ARL2BP: variants seen among roughly 807,000 people sequenced by gnomAD.
ARL2BP encodes ARF like GTPase 2 binding protein.
In ARL2BP, 19 loss-of-function variants were observed where a neutral mutation model predicts 24.2. That is an observed-to-expected ratio of 0.79 (90% CI 0.55 to 1.15). ARL2BP has a LOEUF of 1.15. Ranked by LOEUF, ARL2BP falls within the 50% of genes most tolerant of loss-of-function variation. The probability of loss-of-function intolerance (pLI) is 0.00; values close to 1 mark genes in which losing one functional copy is unlikely to be tolerated. For synonymous variants in ARL2BP, 56 were observed against 70.5 expected, an observed-to-expected ratio of 0.79 and a Z score of 1.03; for missense variants, 160 against 190.4, an observed-to-expected ratio of 0.84 and a Z score of 0.94.
intron 1 of ARL2BP, 59 bp downstream of exon 1, chr16:57,245,464 C>G (rs564949718): frequency 1.9e-6 from 3 of 1,578,804 alleles, no homozygotes; most frequent in Non-Finnish European, 8.6e-7. Flanking sequence ...GCGTTCGCCC[C>G]GGGGCCTGAC....
rs763416650 is a variant in ARL2BP, at chr16:57,248,531, G to A, written c.101-6G>A. The A allele has an allele frequency of 2.5e-6, 4 of 1,571,476 alleles. No homozygotes were observed. The highest frequency in any genetic ancestry group is 3.5e-6 in the Non-Finnish European group (4 of 1,154,252). On this transcript the variant is annotated splice_polypyrimidine_tract_variant and splice_region_variant and intron_variant, in intron 2 of 5. Coordinates refer to ENST00000219204, the MANE Select transcript of ARL2BP (RefSeq NM_012106.4). ...AAAAGAATAAATTTTCCCCACTGTG[G>A]TTCAGATGACGAGTTCCAGTTATTA...
At chr16:57,248,383 G>A in intron 2 of ARL2BP, 154 bp from the exon 3 acceptor site, 1 of 407,460 alleles carries the variant, frequency 2.5e-6, no homozygotes, top group Non-Finnish European at 4.5e-6. Flanking sequence ...TTCCACATCA[G>A]GGTCCCATTT....
rs2075387240 is a variant in ARL2BP, at chr16:57,245,494, T to C, written c.38+89T>C. Reference sequence around the variant, plus strand: ...CCTGACCCTATAAAACAGGTGTCCTTAGGGGCCGGGCCGGGCCGGGCCGGG... The same window carrying C: ...CCTGACCCTATAAAACAGGTGTCCTCAGGGGCCGGGCCGGGCCGGGCCGGG... On this transcript the variant is annotated intron_variant, in intron 1 of 5. Coordinates refer to ENST00000219204, the MANE Select transcript of ARL2BP (RefSeq NM_012106.4). The C allele has an allele frequency of 5.3e-6, 8 of 1,515,964 alleles. No homozygotes were observed. In the African/African-American group the frequency reaches 6.9e-5, roughly 13 times the overall value. The allele number at this position is 1,515,964 out of a possible 1,614,324, so 93.9% of individuals were successfully genotyped here.
rs865821777 is a variant in ARL2BP at position 57,249,787 on chromosome 16, C to T, written c.228C>T (p.Tyr76=). 1 of 1,614,184 alleles carries T rather than the reference C, an allele frequency of 6.2e-7. No homozygotes were observed. The highest frequency in any genetic ancestry group is 1.7e-5 in the Admixed American group (1 of 60,022). The change falls in exon 4 of 6, where the codon TAC becomes TAT. Residue 76 remains tyrosine (Y), a synonymous_variant. Transcript: ENST00000219204. The stretch of plus-strand genomic sequence containing the variant: ...TGCAGATTTCTTTGGTAGAAAAATA[C>T]ATTGAAGAACAGCTGCTGCAGCGGA... ...FNEYISLVEK[Y]IEEQLLQRIP... is the part of the protein sequence containing the mutation.
At position 57,250,417 on chromosome 16, in the gene ARL2BP, T is replaced by C; in HGVS notation, c.300T>C (p.His100=). ...CCATCTGTTCCGTTTGCAGGCACCA[T>C]AAGGATGAAGTGGCTGGTGACATAT... ...MAAFTTTLQH[H]KDEVAGDIFD... Residue 100 remains histidine, a synonymous_variant, in exon 5 of 6, where the codon CAT becomes CAC. Transcript: ENST00000219204. 4 of 1,614,054 alleles carry C rather than the reference T, an allele frequency of 2.5e-6. No homozygotes were observed. Among genetic ancestry groups the C allele is most frequent in the Non-Finnish European group, 3.4e-6 (4 of 1,179,912 alleles).
chr16:57,246,018 T>C (rs2075389250), intron 1 of ARL2BP, 62 bp from the exon 2 acceptor site: 1 of 1,534,548 alleles, frequency 6.5e-7, no homozygotes, highest in Non-Finnish European at 9.0e-7. Flanking sequence ...AAAACGTCCA[T>C]ACTAAAAACA....
chr16:57,250,319 G>A, intron 4 of ARL2BP, 92 bp from the exon 5 acceptor site: 2 of 1,102,134 alleles, frequency 1.8e-6, no homozygotes, highest in African/African-American at 1.6e-5. Context: ...TAATGCGGGG[G>A]GTGGGGCTGG....
Position 57,250,391 on chromosome 16 carries a change from G to T in ARL2BP, c.294-20G>T. ...TGTCTCATCATTCATTCACGAAACA[G>T]CCATCTGTTCCGTTTGCAGGCACCA... On this transcript the variant is annotated intron_variant, in intron 4 of 5. Coordinates refer to ENST00000219204, the MANE Select transcript of ARL2BP (RefSeq NM_012106.4). 1 of 1,607,478 alleles carries T rather than the reference G, an allele frequency of 6.2e-7. No homozygotes were observed. Among genetic ancestry groups the T allele is most frequent in the Non-Finnish European group, 8.5e-7 (1 of 1,174,122 alleles).
At chr16:57,248,002 A>G (rs555770565) in intron 2 of ARL2BP, among the ~76,000 whole-genome samples, 3 of 152,158 alleles carry the variant, frequency 2.0e-5, no homozygotes, top group South Asian at 2.1e-4. Context: ...AAAAAATTGT[A>G]TATCTCACCA....
chr16:57,252,568 C>T lies in ARL2BP; in HGVS notation c.*301C>T. The T allele has an allele frequency of 2.4e-6, 1 of 415,560 alleles. No individual in the cohort carries two copies. The highest frequency in any genetic ancestry group is 4.4e-6 in the Non-Finnish European group (1 of 225,704). The allele number at this position is 415,560 out of a possible 1,614,324, so 25.7% of individuals were successfully genotyped here. On this transcript the variant is annotated 3_prime_UTR_variant, in exon 6 of 6. Coordinates refer to ENST00000219204, the MANE Select transcript of ARL2BP (RefSeq NM_012106.4). ...TATGTCAGGCACTCCACCTGGGGGG[C>T]CCTTCCCCAGCATACCTGCTGGTGT...
intron 1 of ARL2BP, 137 bp downstream of exon 1, chr16:57,245,542 C>A: frequency 8.8e-7 from 1 of 1,142,712 alleles, no homozygotes. Flanking sequence ...CGCCAAGGCG[C>A]CGTCCCAGCT....
intron 5 of ARL2BP, chr16:57,251,795 A>G (rs1396431238): frequency 5.5e-6 from 1 of 180,934 alleles, no homozygotes; most frequent in Non-Finnish European, 1.2e-5. Context: ...CCCTGTCTCT[A>G]CAAAAATAAA....
In ARL2BP at chr16:57,245,386, G is replaced by C. The variant is rs755334653; in HGVS notation, c.19G>C (p.Glu7Gln). The C allele has an allele frequency of 6.2e-7, 1 of 1,607,596 alleles. No individual in the cohort carries two copies. Among genetic ancestry groups the C allele is most frequent in the Non-Finnish European group, 8.5e-7 (1 of 1,177,758 alleles). ...GACTGCGATGGACGCCTTAGAAGGA[G>C]AGAGCTTTGCGCTGTCTTTGTGAGT... MDALEG[E>Q]SFALSFSSAS... The change falls in exon 1 of 6, where the codon GAG becomes CAG. Residue 7 changes from glutamate to glutamine, a missense_variant. Glu to Gln is a conservative substitution (Grantham distance 29). Transcript: ENST00000219204.
chr16:57,247,339 C>T (rs1391835868), intron 2 of ARL2BP: 2 of 152,138 alleles, frequency 1.3e-5, no homozygotes, highest in Non-Finnish European at 2.9e-5. Flanking sequence ...AGTCTGGGTC[C>T]TTTCTGAAAC....
At position 57,245,759 on chromosome 16, in the gene ARL2BP, C is replaced by G. The variant is rs551807889; in HGVS notation, c.39-321C>G. 115 of 442,398 alleles carry G rather than the reference C, an allele frequency of 2.6e-4. 1 individual carries two copies. The highest frequency in any genetic ancestry group is 4.3e-4 in the Non-Finnish European group (107 of 247,034). 27.4% of individuals were successfully genotyped at this position (442,398 alleles called of 1,614,324 possible). A position where few individuals can be genotyped will look rare whatever the true frequency, so the allele number is the denominator to read the frequency against. ...GCCTCCCGGACTCCTGACCAAATGA[C>G]CCCCCCCGGCAGGTGTTTCGCCCGT... On this transcript the variant is annotated intron_variant, in intron 1 of 5. Coordinates refer to ENST00000219204, the MANE Select transcript of ARL2BP (RefSeq NM_012106.4).
rs1464270056 is a variant in ARL2BP at position 57,252,561 on chromosome 16, T to TG, written c.*300dup. ...CGAGCCCTATGTCAGGCACTCCACC[T>TG]GGGGGGCCCTTCCCCAGCATACCTG... On this transcript the variant is annotated 3_prime_UTR_variant, in exon 6 of 6. Coordinates refer to ENST00000219204, the MANE Select transcript of ARL2BP (RefSeq NM_012106.4). 16 of 423,870 alleles carry TG rather than the reference T, an allele frequency of 3.8e-5. No homozygotes were observed. The highest frequency in any genetic ancestry group is 6.1e-5 in the Non-Finnish European group (14 of 231,300). The allele number at this position is 423,870 out of a possible 1,614,324, so 26.3% of individuals were successfully genotyped here.
rs750709817 is a variant in ARL2BP at position 57,252,612 on chromosome 16, G to A, written c.*345G>A. On this transcript the variant is annotated 3_prime_UTR_variant, in exon 6 of 6. Transcript: ENST00000219204. Reference sequence around the variant, plus strand: ...CTGGTGTGTAAGTGTGGACTAACCCGCCGCCACCACCCTCTGTTCCAGCAG... The same window carrying A: ...CTGGTGTGTAAGTGTGGACTAACCCACCGCCACCACCCTCTGTTCCAGCAG... 15 of 298,598 alleles carry A rather than the reference G, an allele frequency of 5.0e-5. No homozygotes were observed. Among genetic ancestry groups the A allele is most frequent in the South Asian group, 1.1e-4 (3 of 26,658 alleles). 18.5% of individuals were successfully genotyped at this position (298,598 alleles called of 1,614,324 possible). A position where few individuals can be genotyped will look rare whatever the true frequency, so the allele number is the denominator to read the frequency against.
intron 2 of ARL2BP, 184 bp from the exon 3 acceptor site, chr16:57,248,353 A>G (rs1763034740): frequency 5.6e-6 from 2 of 357,114 alleles, no homozygotes; most frequent in Admixed American, 4.8e-5. Flanking sequence ...AAGAAAAAGA[A>G]AACAGGAGGA....
At chr16:57,250,165 C>T (rs1163993785) in intron 4 of ARL2BP, 2 of 598,668 alleles carry the variant, frequency 3.3e-6, no homozygotes, top group Admixed American at 6.0e-5. Flanking sequence ...TGTTGCATAC[C>T]TGTGGGCCTA....
Sources: gnomAD v4.1 joint callset for allele counts (sites outside exome capture counted in the v4.1 genomes callset) on GRCh38, gnomAD v4.1.1 for gene constraint, MANE v1.5 for transcripts, NCBI Gene and HGNC (gene_info 2026-07-23, HGNC 2026-07-21) for gene names.